RNF150: variants seen among roughly 807,000 people sequenced by gnomAD.
RNF150 encodes ring finger protein 150.
RNF150 carries 24 observed loss-of-function variants against 39.3 expected under a neutral mutation model. That is an observed-to-expected ratio of 0.61 (90% CI 0.44 to 0.86). The LOEUF (loss-of-function observed/expected upper bound fraction) is 0.86. Ranked by LOEUF, RNF150 falls within the 40% of genes least tolerant of loss-of-function variation. RNF150 has a pLI of 0.00. For synonymous variants in RNF150, 255 were observed against 227.3 expected (o/e 1.12, Z -1.10); for missense variants, 502 against 587.8 (o/e 0.85, Z 1.51).
intron 6 of RNF150, among the ~76,000 whole-genome samples, chr4:140,884,021 C>T (rs1236762830): frequency 6.6e-6 from 1 of 151,546 alleles, no homozygotes; most frequent in African/African-American, 2.4e-5. Flanking sequence ...AGTGACTTTT[C>T]CTCAAGTTCA....
At chr4:141,061,215 T>A (rs1226429402) in intron 1 of RNF150, among the ~76,000 whole-genome samples, 1 of 152,128 alleles carries the variant, frequency 6.6e-6, no homozygotes, top group Admixed American at 6.6e-5. Flanking sequence ...GATATCCTGG[T>A]ACTGCATGGA....
chr4:140,907,114 T>G (rs752519990), intron 6 of RNF150, among the ~76,000 whole-genome samples: 49 of 152,166 alleles, frequency 3.2e-4, no homozygotes, highest in African/African-American at 3.9e-4. Context: ...TCTAAGGAAC[T>G]TTTTTCCCCT....
chr4:141,038,206 A>G (rs1736216442), intron 1 of RNF150, among the ~76,000 whole-genome samples: 1 of 152,116 alleles, frequency 6.6e-6, no homozygotes, highest in Admixed American at 6.6e-5. Flanking sequence ...CAAGACAAAA[A>G]CTGCCCTCAA....
At chr4:141,163,661 C>T (rs1249061589) in intron 1 of RNF150, among the ~76,000 whole-genome samples, 2 of 152,182 alleles carry the variant, frequency 1.3e-5, no homozygotes, top group Non-Finnish European at 2.9e-5. Flanking sequence ...CCCAGGCAAG[C>T]ATGGTCTAGA....
intron 2 of RNF150, among the ~76,000 whole-genome samples, chr4:140,962,763 C>T (rs549511945): frequency 6.6e-6 from 1 of 152,006 alleles, no homozygotes; most frequent in South Asian, 2.1e-4. Context: ...TCCATTTAAT[C>T]CTCACTGTGA....
chr4:140,941,378 A>G (rs577837166), intron 4 of RNF150, among the ~76,000 whole-genome samples: 1 of 152,364 alleles, frequency 6.6e-6, no homozygotes, highest in Non-Finnish European at 1.5e-5. Context: ...AAACAATGGC[A>G]ATTGCACCAG....
intron 1 of RNF150, among the ~76,000 whole-genome samples, chr4:141,061,226 T>C (rs995321676): frequency 2.0e-5 from 3 of 152,136 alleles, no homozygotes; most frequent in Admixed American, 1.3e-4. Context: ...ACTGCATGGA[T>C]GTACATTCGC....
intron 6 of RNF150, among the ~76,000 whole-genome samples, chr4:140,889,200 C>T (rs115577407): frequency 0.015 from 2,263 of 152,182 alleles, 65 homozygotes; most frequent in African/African-American, 0.051. Flanking sequence ...TTCATTTAAA[C>T]GATTTATTTT....
At chr4:140,896,975 A>T (rs553121794) in intron 6 of RNF150, among the ~76,000 whole-genome samples, 18 of 152,284 alleles carry the variant, frequency 1.2e-4, no homozygotes, top group African/African-American at 4.3e-4. Context: ...GTAAGGCATG[A>T]CTAAGTAAAA....
Position 141,070,597 on chromosome 4 carries a change from A to G in RNF150, c.484+61728T>C, listed in dbSNP as rs909039989. On this transcript the variant is annotated intron_variant, in intron 1 of 6. Transcript: ENST00000515673. ...GACATGAACAGACACTTGTCAAAAG[A>G]AGACATTTATGCAGCCAAAAAACAC... Among the ~76,000 whole-genome samples, 13 of 151,248 alleles carry G rather than the reference A, an allele frequency of 8.6e-5. 1 individual carries two copies. The East Asian group carries it at 1.9e-3, about 23-fold the overall frequency.
intron 1 of RNF150, among the ~76,000 whole-genome samples, chr4:141,156,735 A>AAAG: frequency 3.8e-4 from 1 of 2,608 alleles, no homozygotes; most frequent in African/African-American, 4.9e-4. Flanking sequence ...CTCTACTACT[A>AAAG]AAAAAAAAAA....
chr4:141,066,056 C>A (rs931764359), intron 1 of RNF150, among the ~76,000 whole-genome samples: 1 of 151,876 alleles, frequency 6.6e-6, no homozygotes, highest in Non-Finnish European at 1.5e-5. Context: ...GTCTTCTAAC[C>A]CTTCGCCCTC....
chr4:141,062,890 C>G (rs1032871940), intron 1 of RNF150, among the ~76,000 whole-genome samples: 3 of 152,146 alleles, frequency 2.0e-5, no homozygotes, highest in African/African-American at 4.8e-5. Context: ...GTCATGTGCA[C>G]CCAGTGCTTA....
chr4:141,040,969 C>G (rs2110857731), intron 1 of RNF150, among the ~76,000 whole-genome samples: 1 of 152,046 alleles, frequency 6.6e-6, no homozygotes, highest in South Asian at 2.1e-4. Context: ...TTATGTGTGC[C>G]TGGTTGAGAA....
At chr4:140,921,380 A>C (rs1253190210) in intron 5 of RNF150, among the ~76,000 whole-genome samples, 2 of 152,012 alleles carry the variant, frequency 1.3e-5, no homozygotes, top group Non-Finnish European at 2.9e-5. Context: ...GAAATGGATA[A>C]ATTCCTCGAC....
chr4:141,180,887 G>T (rs898648108), intron 1 of RNF150, among the ~76,000 whole-genome samples: 1 of 152,010 alleles, frequency 6.6e-6, no homozygotes, highest in Non-Finnish European at 1.5e-5. Flanking sequence ...TTTACACCAG[G>T]TTACAGTATT....
At chr4:141,123,179 T>C (rs1000882630) in intron 1 of RNF150, among the ~76,000 whole-genome samples, 1 of 152,244 alleles carries the variant, frequency 6.6e-6, no homozygotes, top group Non-Finnish European at 1.5e-5. Context: ...ATAGTCCATC[T>C]TCCCAGGTTC....
At chr4:141,156,176 C>G (rs186220513) in intron 1 of RNF150, among the ~76,000 whole-genome samples, 21 of 152,230 alleles carry the variant, frequency 1.4e-4, no homozygotes, top group Admixed American at 1.0e-3. Flanking sequence ...TCTGAGGTCC[C>G]CTTGGCCAAG....
intron 1 of RNF150, among the ~76,000 whole-genome samples, chr4:141,072,607 A>T (rs946138162): frequency 3.3e-5 from 5 of 152,244 alleles, no homozygotes; most frequent in Non-Finnish European, 7.3e-5. Context: ...AGTAGTATAC[A>T]AAAAGGCAAT....
Sources: allele counts gnomAD v4.1 joint callset (sites outside exome capture counted in the v4.1 genomes callset), GRCh38; gene constraint gnomAD v4.1.1; transcripts MANE v1.5; gene names NCBI Gene and HGNC (gene_info 2026-07-23, HGNC 2026-07-21).